Variants in BAZ2B observed in about 807,000 individuals in gnomAD.
BAZ2B encodes bromodomain adjacent to zinc finger domain 2B, also known as bromodomain adjacent to zinc finger domain protein 2B.
BAZ2B carries 91 observed loss-of-function variants against 246.0 expected under a neutral mutation model. The observed-to-expected ratio is 0.37, with a 90% CI of 0.31 to 0.44. The LOEUF (loss-of-function observed/expected upper bound fraction) is 0.44. Ranked by LOEUF, BAZ2B falls within the 20% of genes least tolerant of loss-of-function variation. The pLI, the probability that BAZ2B is intolerant of heterozygous loss-of-function variation, is 1.00. For missense variants in BAZ2B, 2,332 were observed against 2,533.7 expected (o/e 0.92, Z 1.71); for synonymous variants, 855 against 860.0 (o/e 0.99, Z 0.10).
intron 22 of BAZ2B, among the ~76,000 whole-genome samples, chr2:159,385,695 T>C (rs1002684920): frequency 1.3e-5 from 2 of 152,062 alleles, no homozygotes; most frequent in Non-Finnish European, 1.5e-5. Flanking sequence ...CCAAGTTTCA[T>C]CTGGATATTT....
intron 25 of BAZ2B, among the ~76,000 whole-genome samples, chr2:159,376,396 C>T (rs555981163): frequency 6.6e-6 from 1 of 151,808 alleles, no homozygotes; most frequent in African/African-American, 2.4e-5. Context: ...GGCTACTACC[C>T]AATGAAAAAA....
At chr2:159,482,990 T>G (rs1048754597) in intron 2 of BAZ2B, among the ~76,000 whole-genome samples, 4 of 152,210 alleles carry the variant, frequency 2.6e-5, no homozygotes, top group Non-Finnish European at 4.4e-5. Context: ...TGACCCTTTG[T>G]GTTAAGAATA....
At chr2:159,387,756 G>T (rs1347310783) in intron 21 of BAZ2B, among the ~76,000 whole-genome samples, 2 of 152,014 alleles carry the variant, frequency 1.3e-5, no homozygotes, top group Non-Finnish European at 1.5e-5. Context: ...TAGTACATAT[G>T]AATTTAAATG....
intron 1 of BAZ2B, among the ~76,000 whole-genome samples, chr2:159,568,103 A>G (rs1683083776): frequency 6.6e-6 from 1 of 152,248 alleles, no homozygotes; most frequent in African/African-American, 2.4e-5. Context: ...CATAACCACT[A>G]TCTAATTCCG....
chr2:159,389,599 A>T, intron 20 of BAZ2B, 114 bp from the exon 21 acceptor site: 1 of 907,304 alleles, frequency 1.1e-6, no homozygotes, highest in Non-Finnish European at 1.5e-6. Context: ...CTTACTCTCT[A>T]ATTTTCAAAA....
At chr2:159,452,882 T>G (rs7608739) in intron 4 of BAZ2B, among the ~76,000 whole-genome samples, 3,896 of 152,232 alleles carry the variant, frequency 0.026, 140 homozygotes, top group African/African-American at 0.088. Flanking sequence ...GGCGGATCAC[T>G]TGAGGTCAGG....
At chr2:159,445,522 T>A (rs1577110194) in intron 6 of BAZ2B, among the ~76,000 whole-genome samples, 1 of 151,984 alleles carries the variant, frequency 6.6e-6, no homozygotes, top group Non-Finnish European at 1.5e-5. Context: ...CTCAATGAGG[T>A]ATCACAGTCA....
chr2:159,624,402 C>T, the BAZ2B span, among the ~76,000 whole-genome samples: 2 of 152,212 alleles, frequency 1.3e-5, no homozygotes, highest in African/African-American at 4.8e-5. Flanking sequence ...GATGGGGAGA[C>T]ACCTCCCAGT....
intron 2 of BAZ2B, among the ~76,000 whole-genome samples, chr2:159,519,644 C>G (rs1346369863): frequency 4.0e-5 from 6 of 148,742 alleles, no homozygotes; most frequent in Admixed American, 1.3e-4. Context: ...GTAGGTAGGT[C>G]CAGACAATTA....
Position 159,337,792 on chromosome 2 carries a change from T to A in BAZ2B, c.5455-20A>T, listed in dbSNP as rs779954078. On this transcript the variant is annotated intron_variant, in intron 31 of 36. Transcript: ENST00000392783. ...CCAACCCTATATATCAAGAGAATAG[T>A]GTTATTATGGTTTCCTCTTAAAATG... The A allele has an allele frequency of 1.2e-6, 2 of 1,601,192 alleles. No individual in the cohort carries two copies. The highest frequency in any genetic ancestry group is 3.4e-5 in the Admixed American group (2 of 59,346).
At chr2:159,460,848 T>C (rs1458367644) in intron 3 of BAZ2B, 2 of 152,254 alleles carry the variant, frequency 1.3e-5, no homozygotes, top group East Asian at 3.9e-4. Context: ...CAGTTACTGG[T>C]GACAAAACAT....
At chr2:159,392,285 T>A (rs572813693) in intron 20 of BAZ2B, 2 of 152,316 alleles carry the variant, frequency 1.3e-5, no homozygotes, top group South Asian at 4.1e-4. Flanking sequence ...TGTACCTTTG[T>A]ATATGCCATA....
chr2:159,473,765 T>C (rs1321450222), intron 3 of BAZ2B, among the ~76,000 whole-genome samples: 5 of 152,240 alleles, frequency 3.3e-5, no homozygotes, highest in African/African-American at 1.2e-4. Flanking sequence ...ATTGTGTCTT[T>C]GTTCTCATTG....
chr2:159,322,444 A>G (rs533281264), intron 36 of BAZ2B, among the ~76,000 whole-genome samples: 4 of 152,262 alleles, frequency 2.6e-5, no homozygotes, highest in East Asian at 1.9e-4. Context: ...GCAACCACCA[A>G]TCTTCTATCT....
chr2:159,343,281 A>T (rs1422469954), intron 31 of BAZ2B, among the ~76,000 whole-genome samples: 2 of 152,204 alleles, frequency 1.3e-5, no homozygotes, highest in Admixed American at 6.5e-5. Flanking sequence ...TAGATGAAAG[A>T]CTTAATGTAA....
At chr2:159,557,777 C>T (rs2089372112) in intron 1 of BAZ2B, among the ~76,000 whole-genome samples, 1 of 152,122 alleles carries the variant, frequency 6.6e-6, no homozygotes, top group Non-Finnish European at 1.5e-5. Context: ...CCTACTGCAT[C>T]CAGCATTATG....
At position 159,409,710 on chromosome 2, in the gene BAZ2B, C is replaced by A. The variant is rs543554155; in HGVS notation, c.2677+2625G>T. ...AAATGAAAAAGGTGATAAACTGTTT[C>A]ATTTTTACTTTCTTTTCTTCACAGG... On this transcript the variant is annotated intron_variant, in intron 14 of 36. Transcript: ENST00000392783. Among the ~76,000 whole-genome samples, 8 of 152,264 alleles carry A rather than the reference C, an allele frequency of 5.3e-5. No homozygotes were observed. In the East Asian group the frequency reaches 1.5e-3, roughly 29 times the overall value.
chr2:159,369,060 T>C (rs553562548), intron 27 of BAZ2B, among the ~76,000 whole-genome samples: 4 of 152,276 alleles, frequency 2.6e-5, no homozygotes, highest in South Asian at 2.1e-4. Flanking sequence ...GGAAATAGTA[T>C]ATATATTAAT....
At chr2:159,631,066 C>A in the BAZ2B span, among the ~76,000 whole-genome samples, 1 of 152,154 alleles carries the variant, frequency 6.6e-6, no homozygotes, top group Admixed American at 6.5e-5. Context: ...CATGGTGGTA[C>A]ACACCTGTAG....
Sources: allele counts gnomAD v4.1 joint callset (sites outside exome capture counted in the v4.1 genomes callset), GRCh38; gene constraint gnomAD v4.1.1; transcripts MANE v1.5; gene names NCBI Gene and HGNC (gene_info 2026-07-23, HGNC 2026-07-21).